The following MEIS1 variants were observed in gnomAD, a reference collection of about 807,000 sequenced individuals.
MEIS1 encodes Meis homeobox 1.
A neutral mutation model predicts 50.8 loss-of-function variants in MEIS1; 5 were observed. The ratio of observed to expected loss-of-function variants is 0.10; its 90% confidence interval spans 0.05 to 0.21. MEIS1 has a LOEUF of 0.21. Ranked by LOEUF, MEIS1 falls within the 10% of genes least tolerant of loss-of-function variation. MEIS1 has a pLI of 1.00. For missense variants in MEIS1, 318 were observed against 517.3 expected (o/e 0.61, Z 3.74); for synonymous variants, 176 against 179.3 (o/e 0.98, Z 0.15).
chr2:66,559,796 G>A (rs1558716), intron 9 of MEIS1, among the ~76,000 whole-genome samples: 104,240 of 151,884 alleles, frequency 0.69, 36,137 homozygotes, highest in African/African-American at 0.76. Flanking sequence ...AATATTTTAT[G>A]TTTACTTAAA....
chr2:66,559,953 G>T (rs1675170434), intron 9 of MEIS1, among the ~76,000 whole-genome samples: 1 of 151,916 alleles, frequency 6.6e-6, no homozygotes, highest in African/African-American at 2.4e-5. Flanking sequence ...TGCACAACCA[G>T]ACCCAGCTAA....
intron 6 of MEIS1, among the ~76,000 whole-genome samples, chr2:66,450,388 A>G (rs1672249960): frequency 6.6e-6 from 1 of 152,272 alleles, no homozygotes; most frequent in East Asian, 1.9e-4. Context: ...CAGGAGGATC[A>G]CTTGTGCTGA....
intron 10 of MEIS1, chr2:66,567,780 A>T: frequency 1.8e-6 from 1 of 551,106 alleles, no homozygotes; most frequent in South Asian, 2.1e-5. Context: ...CACATTCAAT[A>T]TATTAATGTT....
chr2:66,560,100 CTTTTTT>C (rs70947304), intron 9 of MEIS1, among the ~76,000 whole-genome samples: 6 of 124,932 alleles, frequency 4.8e-5, no homozygotes, highest in Admixed American at 8.0e-5. Context: ...CCTGCCATCA[CTTTTTT>C]TTTTTTTTTT....
intron 8 of MEIS1, among the ~76,000 whole-genome samples, chr2:66,546,696 G>A (rs1276919130): frequency 6.6e-6 from 1 of 152,118 alleles, no homozygotes; most frequent in East Asian, 1.9e-4. Context: ...TTCCATGAAA[G>A]CAAAGCCTTA....
At chr2:66,553,909 C>T (rs1169537215) in intron 9 of MEIS1, among the ~76,000 whole-genome samples, 2 of 152,290 alleles carry the variant, frequency 1.3e-5, no homozygotes, top group South Asian at 2.1e-4. Flanking sequence ...CTGCCCCTTC[C>T]ACCATGGGGC....
At chr2:66,453,453 T>C (rs904644744) in intron 6 of MEIS1, among the ~76,000 whole-genome samples, 13 of 151,984 alleles carry the variant, frequency 8.6e-5, no homozygotes, top group East Asian at 3.9e-4. Flanking sequence ...TCTTGAAATA[T>C]AGAAAACTTG....
rs1169211246 is a variant in MEIS1, at chr2:66,437,812, G to A, written c.88G>A (p.Ala30Thr). Residue 30 changes from alanine (A) to threonine (T), a missense_variant, in exon 2 of 13, where the codon GCC (alanine) becomes ACC (threonine). Transcript: ENST00000272369. ...CACGATGTATGGGGACCCGCATGCAGCCAGGTCCATGCAGCCGGTCCACCA... is the reference window on the plus strand; with the variant it reads ...CACGATGTATGGGGACCCGCATGCAACCAGGTCCATGCAGCCGGTCCACCA... ...PSTMYGDPHA[A>T]RSMQPVHHLN... 1.9e-6 allele frequency: 3 copies of A among 1,613,954 alleles called. No individual in the cohort carries two copies. The highest frequency in any genetic ancestry group is 1.7e-6 in the Non-Finnish European group (2 of 1,179,878).
chr2:66,468,805 G>A (rs1672700793), intron 7 of MEIS1, among the ~76,000 whole-genome samples: 2 of 152,204 alleles, frequency 1.3e-5, no homozygotes. Context: ...ACTCAGAGGG[G>A]TAATGTTCTG....
At chr2:66,475,245 T>C (rs974159197) in intron 7 of MEIS1, among the ~76,000 whole-genome samples, 1 of 146,906 alleles carries the variant, frequency 6.8e-6, no homozygotes, top group Non-Finnish European at 1.5e-5. Flanking sequence ...TTTATAAATA[T>C]GTTATTTATA....
At chr2:66,439,622 C>A (rs138813448) in intron 2 of MEIS1, 19 of 1,537,378 alleles carry the variant, frequency 1.2e-5, no homozygotes, top group Non-Finnish European at 1.4e-5. Flanking sequence ...TCCTCAGATA[C>A]CGTCCATGGC....
chr2:66,551,573 T>C (rs1674923329), intron 9 of MEIS1, among the ~76,000 whole-genome samples: 1 of 152,114 alleles, frequency 6.6e-6, no homozygotes, highest in Non-Finnish European at 1.5e-5. Flanking sequence ...TCTATGCCAA[T>C]AAATTTTTTG....
intron 7 of MEIS1, among the ~76,000 whole-genome samples, chr2:66,484,042 G>A (rs912070202): frequency 6.6e-6 from 1 of 152,082 alleles, no homozygotes; most frequent in Non-Finnish European, 1.5e-5. Flanking sequence ...TTAGCATTAT[G>A]GATAAACTTT....
chr2:66,568,460 C>T (rs2103975403), intron 10 of MEIS1: 4 of 467,242 alleles, frequency 8.6e-6, no homozygotes, highest in South Asian at 6.7e-5. Context: ...TTAACTGTTC[C>T]CTCTTTGAGC....
intron 1 of MEIS1, among the ~76,000 whole-genome samples, chr2:66,437,140 T>G (rs1671815249): frequency 6.6e-6 from 1 of 152,166 alleles, no homozygotes; most frequent in South Asian, 2.1e-4. Context: ...GGTCAGTTAG[T>G]TTTGTATAAT....
intron 10 of MEIS1, chr2:66,567,976 A>G (rs1284543636): frequency 4.2e-6 from 1 of 235,378 alleles, no homozygotes; most frequent in Admixed American, 5.0e-5. Flanking sequence ...TGCTTTAATA[A>G]CCCAAGGCAG....
intron 9 of MEIS1, among the ~76,000 whole-genome samples, chr2:66,559,123 C>CAG (rs58790798): frequency 0.023 from 3,412 of 147,988 alleles, 52 homozygotes; most frequent in African/African-American, 0.048. Flanking sequence ...GCCTGGGTGA[C>CAG]AGAGAGAGAG....
intron 8 of MEIS1, among the ~76,000 whole-genome samples, chr2:66,522,205 G>T (rs1304659059): frequency 6.6e-6 from 1 of 152,174 alleles, no homozygotes; most frequent in Non-Finnish European, 1.5e-5. Flanking sequence ...AAAGGGCTTA[G>T]CATCATTTAT....
chr2:66,449,218 C>T (rs2103707686), intron 6 of MEIS1, among the ~76,000 whole-genome samples: 1 of 152,190 alleles, frequency 6.6e-6, no homozygotes, highest in African/African-American at 2.4e-5. Context: ...TCCCGTTGGG[C>T]TTGCTCTTCT....
Sources: allele counts gnomAD v4.1 joint callset (sites outside exome capture counted in the v4.1 genomes callset), GRCh38; gene constraint gnomAD v4.1.1; transcripts MANE v1.5; gene names NCBI Gene and HGNC (gene_info 2026-07-23, HGNC 2026-07-21).